KLF7: variants seen among roughly 807,000 people sequenced by gnomAD.
The protein encoded by KLF7 is Krueppel-like factor 7.
A neutral mutation model predicts 27.3 loss-of-function variants in KLF7; 2 were observed. The observed-to-expected ratio is 0.07, with a 90% confidence interval of 0.03 to 0.23. The LOEUF is 0.23. Among genes scored for constraint, KLF7 ranks in the 10% least tolerant of loss-of-function variants. The probability of loss-of-function intolerance (pLI) is 1.00; values close to 1 mark genes in which losing one functional copy is unlikely to be tolerated. For missense variants in KLF7, 221 were observed against 394.1 expected, an observed-to-expected ratio of 0.56 and a Z score of 3.72; for synonymous variants, 165 against 162.4, an observed-to-expected ratio of 1.02 and a Z score of -0.12.
upstream of KLF7, among the ~76,000 whole-genome samples, chr2:207,167,903 T>TC (rs1178618218): frequency 2.6e-5 from 4 of 152,312 alleles, no homozygotes; most frequent in Non-Finnish European, 4.4e-5. Flanking sequence ...TATCATTGTC[T>TC]CCCCACTTGA....
At chr2:207,167,228 A>G (rs747833084), upstream of KLF7, 6 of 1,172,304 alleles carry the variant, frequency 5.1e-6, no homozygotes, top group East Asian at 3.2e-5. Context: ...ATGTAGACAT[A>G]GAGAGATCTG....
rs566940015 is a variant in KLF7 at position 207,125,134 on chromosome 2, T to C, written c.103-730A>G. 3.3e-5 allele frequency among the ~76,000 whole-genome samples: 5 copies of C among 152,308 alleles called. No homozygotes were observed. The South Asian group carries it at 1.0e-3, about 32-fold the overall frequency. On this transcript the variant is annotated intron_variant, in intron 1 of 3. Coordinates refer to ENST00000309446, the MANE Select transcript of KLF7 (RefSeq NM_003709.4). ...TGGTTTAGCATCTCTGACTACATGA[T>C]AAAAATAAATTCAAACATAGCTATT...
At chr2:207,126,673 T>C (rs1261321442) in intron 1 of KLF7, among the ~76,000 whole-genome samples, 1 of 152,148 alleles carries the variant, frequency 6.6e-6, no homozygotes, top group Non-Finnish European at 1.5e-5. Context: ...CGCAGTGGCT[T>C]GTGCCTGTTA....
chr2:207,085,622 C>G (rs902238937), intron 3 of KLF7, among the ~76,000 whole-genome samples: 1 of 152,216 alleles, frequency 6.6e-6, no homozygotes, highest in Admixed American at 6.5e-5. Flanking sequence ...CAAGGCCAGG[C>G]AGATAAAGTA....
upstream of KLF7, chr2:207,166,939 G>GCGCCGC (rs200790025): frequency 0.17 from 129,554 of 749,790 alleles, 18,525 homozygotes; most frequent in Middle Eastern, 0.2. Flanking sequence ...CGCCCCGCGG[G>GCGCCGC]CGCCGCCGCC....
chr2:207,150,425 C>T (rs931483012), intron 1 of KLF7, among the ~76,000 whole-genome samples: 2 of 151,988 alleles, frequency 1.3e-5, no homozygotes, highest in Non-Finnish European at 2.9e-5. Context: ...AGTTCCTGCT[C>T]GGAAAACTGA....
intron 2 of KLF7, among the ~76,000 whole-genome samples, chr2:207,101,626 T>C (rs901012233): frequency 6.6e-6 from 1 of 152,128 alleles, no homozygotes; most frequent in African/African-American, 2.4e-5. Context: ...GGAACCTTGA[T>C]GACAAACTAT....
At chr2:207,152,415 A>T (rs2078271924) in intron 1 of KLF7, among the ~76,000 whole-genome samples, 1 of 152,126 alleles carries the variant, frequency 6.6e-6, no homozygotes, top group Non-Finnish European at 1.5e-5. Context: ...GGGAAAAAAA[A>T]ATTGTTTGGT....
At chr2:207,113,285 T>C (rs1024784749) in intron 2 of KLF7, among the ~76,000 whole-genome samples, 2 of 151,712 alleles carry the variant, frequency 1.3e-5, no homozygotes, top group African/African-American at 2.4e-5. Context: ...ATTTGAGTTA[T>C]GTCTTCAAAT....
At chr2:207,138,953 G>A (rs534057688) in intron 1 of KLF7, among the ~76,000 whole-genome samples, 31 of 152,278 alleles carry the variant, frequency 2.0e-4, no homozygotes, top group East Asian at 3.9e-4. Flanking sequence ...TCTTCCTTGC[G>A]TGTGCTTTTT....
chr2:207,153,184 A>C (rs1222718677), intron 1 of KLF7, among the ~76,000 whole-genome samples: 2 of 152,206 alleles, frequency 1.3e-5, no homozygotes, highest in Non-Finnish European at 1.5e-5. Flanking sequence ...ATGATGTTAA[A>C]CAACAGCAAA....
chr2:207,157,597 A>G (rs1285500883), intron 1 of KLF7, among the ~76,000 whole-genome samples: 1 of 152,212 alleles, frequency 6.6e-6, no homozygotes, highest in Non-Finnish European at 1.5e-5. Context: ...GCTATGTATA[A>G]GAGGGAGCCA....
At chr2:207,084,282 C>T (rs2076339018) in intron 3 of KLF7, among the ~76,000 whole-genome samples, 1 of 152,132 alleles carries the variant, frequency 6.6e-6, no homozygotes, top group African/African-American at 2.4e-5. Flanking sequence ...TTTCTATATC[C>T]TGGGAACTCT....
chr2:207,137,548 G>A (rs2077822954), intron 1 of KLF7, among the ~76,000 whole-genome samples: 1 of 152,170 alleles, frequency 6.6e-6, no homozygotes. Context: ...CACAGATACA[G>A]AACCCTCGAA....
intron 1 of KLF7, chr2:207,134,234 G>A (rs2077721166): frequency 2.7e-5 from 26 of 950,608 alleles, no homozygotes; most frequent in Admixed American, 6.1e-5. Flanking sequence ...TCTCAGTTGG[G>A]TTAATTAATA....
At chr2:207,123,187 A>C (rs2077386261) in intron 2 of KLF7, among the ~76,000 whole-genome samples, 1 of 152,102 alleles carries the variant, frequency 6.6e-6, no homozygotes, top group South Asian at 2.1e-4. Flanking sequence ...CTCAGTAACA[A>C]GCTCATTAAA....
intron 3 of KLF7, among the ~76,000 whole-genome samples, chr2:207,086,179 G>C (rs2076384092): frequency 6.6e-6 from 1 of 152,124 alleles, no homozygotes; most frequent in Non-Finnish European, 1.5e-5. Context: ...ATATACTGCG[G>C]TACCAACAGG....
At chr2:207,149,810 G>C (rs2078192769) in intron 1 of KLF7, among the ~76,000 whole-genome samples, 1 of 152,116 alleles carries the variant, frequency 6.6e-6, no homozygotes, top group Non-Finnish European at 1.5e-5. Flanking sequence ...ACTTTATCCT[G>C]GGCTAGGACA....
At chr2:207,119,486 G>T (rs917661652) in intron 2 of KLF7, among the ~76,000 whole-genome samples, 5 of 151,356 alleles carry the variant, frequency 3.3e-5, no homozygotes, top group Non-Finnish European at 7.4e-5. Context: ...GGAAGTGAAG[G>T]TTACTTTTCA....
Sources: gnomAD v4.1 joint callset for allele counts (sites outside exome capture counted in the v4.1 genomes callset) on GRCh38, gnomAD v4.1.1 for gene constraint, MANE v1.5 for transcripts, NCBI Gene and HGNC (gene_info 2026-07-23, HGNC 2026-07-21) for gene names.